Variants in ZNF605 observed in about 807,000 individuals in gnomAD.
The protein encoded by ZNF605 is zinc finger protein 605.
Under a neutral mutation model 7.9 loss-of-function variants are expected in ZNF605, and 9 were observed. That is an observed-to-expected ratio of 1.14 (90% CI 0.68 to 1.98). ZNF605 has a LOEUF of 1.98. Among genes scored for constraint, ZNF605 ranks in the 30% most tolerant of loss-of-function variants. The pLI, the probability that ZNF605 is intolerant of heterozygous loss-of-function variation, is 0.00. For missense variants in ZNF605, 673 were observed against 762.4 expected (o/e 0.88, Z 1.38); for synonymous variants, 255 against 260.1 (o/e 0.98, Z 0.19).
intron 1 of ZNF605, among the ~76,000 whole-genome samples, chr12:132,952,338 G>T (rs1952581691): frequency 6.6e-6 from 1 of 150,966 alleles, no homozygotes; most frequent in Non-Finnish European, 1.5e-5. Context: ...GCGGGCACCT[G>T]TAATCCCAGC....
rs1322767385 is a variant in ZNF605 at position 132,938,909 on chromosome 12, G to A, written c.16-5754C>T. Among the ~76,000 whole-genome samples, 9 of 152,260 alleles carry A rather than the reference G, an allele frequency of 5.9e-5. No individual in the cohort carries two copies. In the South Asian group the frequency reaches 1.2e-3, roughly 21 times the overall value. ...ACTTAGCACCCGGGCCAGTGGCTGC[G>A]GAGGGTGTACTGGGTCCCCCAGCAG... On this transcript the variant is annotated intron_variant, in intron 3 of 4. Transcript: ENST00000360187.
intron 3 of ZNF605, among the ~76,000 whole-genome samples, chr12:132,944,614 A>G (rs1449280828): frequency 1.3e-5 from 2 of 152,202 alleles, no homozygotes; most frequent in African/African-American, 4.8e-5. Flanking sequence ...GAATCTAGGT[A>G]GGATGTGCAA....
At chr12:132,935,870 G>T (rs113906226) in intron 3 of ZNF605, among the ~76,000 whole-genome samples, 1 of 140,612 alleles carries the variant, frequency 7.1e-6, no homozygotes, top group Non-Finnish European at 1.5e-5. Context: ...TCCAGCCTGG[G>T]TGACAGAGTG....
At chr12:132,945,833 T>A in intron 2 of ZNF605, 36 bp from the exon 3 acceptor site, 2 of 740,258 alleles carry the variant, frequency 2.7e-6, no homozygotes, top group Non-Finnish European at 4.6e-6. Flanking sequence ...TTAGATGATC[T>A]AATTAATTTG....
chr12:132,937,359 CAAAAAA>C (rs56281488), intron 3 of ZNF605, among the ~76,000 whole-genome samples: 3 of 86,788 alleles, frequency 3.5e-5, no homozygotes, highest in Non-Finnish European at 6.6e-5. Flanking sequence ...AACTCTGTCT[CAAAAAA>C]AAAAAAAAAA....
At chr12:132,956,011 C>T (rs1952633079) in intron 1 of ZNF605, among the ~76,000 whole-genome samples, 1 of 150,886 alleles carries the variant, frequency 6.6e-6, no homozygotes, top group East Asian at 2.0e-4. Flanking sequence ...CCACCCCACC[C>T]TCTGCCTCCC....
intron 1 of ZNF605, among the ~76,000 whole-genome samples, chr12:132,950,392 C>G (rs1200325563): frequency 6.6e-6 from 1 of 152,158 alleles, no homozygotes; most frequent in Non-Finnish European, 1.5e-5. Flanking sequence ...CATGCGCACA[C>G]ACTCACGGAT....
At chr12:132,952,966 A>G (rs1447680316) in intron 1 of ZNF605, among the ~76,000 whole-genome samples, 1 of 151,920 alleles carries the variant, frequency 6.6e-6, no homozygotes, top group Non-Finnish European at 1.5e-5. Flanking sequence ...CCTCCATCAC[A>G]CACACACCCC....
At position 132,945,788 on chromosome 12, in the gene ZNF605, G is replaced by T; in HGVS notation, c.-153C>A. 2.7e-6 allele frequency: 3 copies of T among 1,115,192 alleles called. No homozygotes were observed. Among genetic ancestry groups the T allele is most frequent in the South Asian group, 1.3e-5 (1 of 78,032 alleles). 69.1% of individuals were successfully genotyped at this position (1,115,192 alleles called of 1,614,324 possible). On this transcript the variant is annotated 5_prime_UTR_variant, in exon 3 of 5. Transcript: ENST00000360187. ...CTCACATGAATTGTCTTGTTCCAGA[G>T]GGCTATTGCCTGTGGATGCAGTGGA...
intron 1 of ZNF605, among the ~76,000 whole-genome samples, chr12:132,949,066 T>C (rs1952528586): frequency 6.6e-6 from 1 of 152,078 alleles, no homozygotes; most frequent in African/African-American, 2.4e-5. Flanking sequence ...CATAAAAATA[T>C]GGGACAAGAA....
intron 3 of ZNF605, among the ~76,000 whole-genome samples, chr12:132,942,665 C>T (rs910947788): frequency 2.6e-5 from 4 of 152,328 alleles, no homozygotes; most frequent in South Asian, 2.1e-4. Context: ...TAGGGGACCA[C>T]GTGTGCCCTC....
chr12:132,933,002 G>A lies in ZNF605; in HGVS notation c.136+33C>T. 2.6e-6 allele frequency: 4 copies of A among 1,551,062 alleles called. No individual in the cohort carries two copies. Among genetic ancestry groups the A allele is most frequent in the South Asian group, 1.2e-5 (1 of 80,932 alleles). On this transcript the variant is annotated intron_variant, in intron 4 of 4. Transcript: ENST00000360187. The surrounding 1 kb of genome is among the most constrained non-coding windows in gnomAD (Gnocchi z 4.4). The stretch of plus-strand genomic sequence containing the variant: ...CAAACACCTCACAGGCCAGTTACTG[G>A]CCATACACTAAGTTACATAAGAATG...
chr12:132,926,969 A>G lies in ZNF605; in HGVS notation c.330T>C (p.Ile110=), dbSNP rs1293296254. 2 of 1,611,956 alleles carry G rather than the reference A, an allele frequency of 1.2e-6. No individual in the cohort carries two copies. Among genetic ancestry groups the G allele is most frequent in the Admixed American group, 1.7e-5 (1 of 59,704 alleles). ...TCTTTCTTTCACAATTATTTTTTGG[A>G]ATAAGCAAATCAAAAGGACATTTCA... The part of the protein sequence containing the change: ...KSLKCPFDLL[I]PKNNCERKKI... The change falls in exon 5 of 5, where the codon ATT becomes ATC. Residue 110 remains isoleucine, a synonymous_variant. Transcript: ENST00000360187.
intron 1 of ZNF605, among the ~76,000 whole-genome samples, chr12:132,953,228 G>A (rs1952591287): frequency 1.3e-5 from 2 of 152,020 alleles, no homozygotes; most frequent in Non-Finnish European, 2.9e-5. Flanking sequence ...GACTTCACAG[G>A]CCACCCAGTC....
At chr12:132,954,185 C>G (rs2137171254) in intron 1 of ZNF605, among the ~76,000 whole-genome samples, 1 of 151,052 alleles carries the variant, frequency 6.6e-6, no homozygotes, top group East Asian at 2.0e-4. Context: ...ATGACTGGAC[C>G]TCAGTGACTC....
At position 132,923,065 on chromosome 12, in the gene ZNF605, G is replaced by C. The variant is rs754281916; in HGVS notation, c.*2308C>G. ...GCCTGCTACAAATTCAAGCTACCCC[G>C]AGCCCTGAAGGAATAGGCTTCTAAC... On this transcript the variant is annotated 3_prime_UTR_variant, in exon 5 of 5. Coordinates refer to ENST00000360187, the MANE Select transcript of ZNF605 (RefSeq NM_183238.4). 6.6e-6 allele frequency: 1 copy of C among 152,102 alleles called. No individual in the cohort carries two copies. The highest frequency in any genetic ancestry group is 1.9e-4 in the East Asian group (1 of 5,198). 9.4% of individuals were successfully genotyped at this position (152,102 alleles called of 1,614,324 possible).
Position 132,926,664 on chromosome 12 carries a change from A to T in ZNF605, c.635T>A (p.Leu212His), listed in dbSNP as rs2137124457. 2 of 1,614,168 alleles carry T rather than the reference A, an allele frequency of 1.2e-6. No individual in the cohort carries two copies. The highest frequency in any genetic ancestry group is 3.3e-4 in the Middle Eastern group (2 of 6,062). ...CGKAFSQKSL[L>H]TVHQRTHSGE... ...TGAGTGAGTTCTTTGATGAACCGTG[A>T]GCAGTGACTTCTGTGAAAAGGCTTT... Residue 212 changes from leucine (L) to histidine (H), a missense_variant, in exon 5 of 5, where the codon CTC becomes CAC. Leu to His is a moderately conservative substitution (Grantham distance 99, BLOSUM62 -3). Transcript: ENST00000360187.
At chr12:132,943,908 T>C (rs11613730) in intron 3 of ZNF605, among the ~76,000 whole-genome samples, 38,542 of 152,010 alleles carry the variant, frequency 0.25, 5,237 homozygotes, top group African/African-American at 0.36. Flanking sequence ...GGCCTCTAGA[T>C]GTTTACGGTT....
At chr12:132,937,815 G>A (rs964078061) in intron 3 of ZNF605, among the ~76,000 whole-genome samples, 8 of 152,170 alleles carry the variant, frequency 5.3e-5, no homozygotes, top group Non-Finnish European at 1.0e-4. Context: ...CCTTCAATAA[G>A]TGAATGGATA....
Sources: gnomAD v4.1 joint callset for allele counts (sites outside exome capture counted in the v4.1 genomes callset) on GRCh38, gnomAD v4.1.1 for gene constraint, Gnocchi (gnomAD v3.1) non-coding constraint, MANE v1.5 for transcripts, NCBI Gene and HGNC (gene_info 2026-07-23, HGNC 2026-07-21) for gene names.